The following CDH13 variants were observed in gnomAD, a reference collection of about 807,000 sequenced individuals.
CDH13 encodes the protein cadherin 13.
CDH13 carries 24 observed loss-of-function variants against 63.8 expected under a neutral mutation model. The ratio of observed to expected loss-of-function variants is 0.38; its 90% CI spans 0.27 to 0.53. The LOEUF (loss-of-function observed/expected upper bound fraction) is 0.53, where lower values mean the gene tolerates loss of function less well. Ranked by LOEUF, CDH13 falls within the 20% of genes least tolerant of loss-of-function variation. CDH13 has a pLI of 0.85. For missense variants in CDH13, 1,049 were observed against 903.1 expected (o/e 1.16, Z -2.07); for synonymous variants, 503 against 355.3 (o/e 1.42, Z -4.67).
chr16:83,290,986 A>G (rs894250117), intron 5 of CDH13, among the ~76,000 whole-genome samples: 1 of 151,992 alleles, frequency 6.6e-6, no homozygotes, highest in Non-Finnish European at 1.5e-5. Flanking sequence ...TTGCTAATCC[A>G]TCCTGTCTTT....
At chr16:83,351,308 T>C (rs911476378) in intron 6 of CDH13, among the ~76,000 whole-genome samples, 1 of 148,998 alleles carries the variant, frequency 6.7e-6, no homozygotes, top group Non-Finnish European at 1.5e-5. Flanking sequence ...CTTAGGTAGA[T>C]ATATTTTTTA....
chr16:82,694,366 A>G (rs2029996317), intron 1 of CDH13, among the ~76,000 whole-genome samples: 1 of 152,180 alleles, frequency 6.6e-6, no homozygotes. Context: ...TTTTTTATGG[A>G]CTGCTCACTA....
intron 2 of CDH13, among the ~76,000 whole-genome samples, chr16:83,014,806 ATATATATTTG>A (rs1914574118): frequency 4.4e-5 from 4 of 90,312 alleles, no homozygotes; most frequent in African/African-American, 1.2e-4. Context: ...ATATATATGT[ATATATATTTG>A]TATATATATA....
chr16:82,864,652 G>A (rs536622844), intron 2 of CDH13, among the ~76,000 whole-genome samples: 10 of 152,238 alleles, frequency 6.6e-5, no homozygotes, highest in Non-Finnish European at 1.5e-4. Context: ...AGGATTATGG[G>A]AATCATGGGG....
intron 4 of CDH13, among the ~76,000 whole-genome samples, chr16:83,135,720 C>T (rs1025762594): frequency 7.9e-5 from 12 of 152,196 alleles, no homozygotes; most frequent in African/African-American, 2.7e-4. Context: ...AAGATACTTG[C>T]ACACACACGT....
intron 2 of CDH13, among the ~76,000 whole-genome samples, chr16:82,949,607 T>G (rs1362582939): frequency 6.6e-6 from 1 of 152,184 alleles, no homozygotes; most frequent in African/African-American, 2.4e-5. Flanking sequence ...CTGGGTGAGA[T>G]AAAAACCAAC....
Position 83,245,293 on chromosome 16 carries a change from G to A in CDH13, c.636+27796G>A, listed in dbSNP as rs374279999. Among the ~76,000 whole-genome samples the A allele has an allele frequency of 3.3e-4, 51 of 152,270 alleles. 1 individual carries two copies. The highest frequency in any genetic ancestry group is 2.2e-3 in the Admixed American group (33 of 15,290). ...TAGGGAACAACCACAAGAAGTTCTC[G>A]TGGGGAAATGACATCAGTCCTATTC... On this transcript the variant is annotated intron_variant, in intron 5 of 13. Transcript: ENST00000567109.
intron 6 of CDH13, among the ~76,000 whole-genome samples, chr16:83,442,095 C>T (rs1490525785): frequency 6.6e-6 from 1 of 152,138 alleles, no homozygotes; most frequent in Non-Finnish European, 1.5e-5. Context: ...GAGGAACACA[C>T]AGGCCAACTC....
intron 2 of CDH13, among the ~76,000 whole-genome samples, chr16:82,903,294 C>G (rs1235624595): frequency 6.6e-6 from 1 of 152,234 alleles, no homozygotes; most frequent in East Asian, 1.9e-4. Context: ...CCTATTGAAT[C>G]ATGGGTTTCT....
At chr16:83,335,760 C>G (rs953923714) in intron 5 of CDH13, among the ~76,000 whole-genome samples, 7 of 152,092 alleles carry the variant, frequency 4.6e-5, no homozygotes, top group African/African-American at 1.7e-4. Context: ...GATCTAATTA[C>G]CGGTGCATGC....
intron 6 of CDH13, among the ~76,000 whole-genome samples, chr16:83,400,373 G>T (rs908070693): frequency 6.6e-6 from 1 of 152,148 alleles, no homozygotes. Context: ...CTCAGCTCTT[G>T]CACAGTAGCC....
chr16:82,972,178 A>G (rs545978355), intron 2 of CDH13, among the ~76,000 whole-genome samples: 1 of 152,296 alleles, frequency 6.6e-6, no homozygotes, highest in East Asian at 1.9e-4. Flanking sequence ...GGTTAAAACC[A>G]TGTGGGAAAC....
intron 5 of CDH13, among the ~76,000 whole-genome samples, chr16:83,266,359 G>A (rs940373874): frequency 3.3e-5 from 5 of 152,094 alleles, no homozygotes; most frequent in African/African-American, 9.7e-5. Context: ...ATGGATATAT[G>A]GTCCACTTTA....
chr16:83,378,521 G>T (rs544076974), intron 6 of CDH13, among the ~76,000 whole-genome samples: 4 of 152,140 alleles, frequency 2.6e-5, no homozygotes, highest in Non-Finnish European at 5.9e-5. Context: ...AGTTGGATTG[G>T]CCATACCTTC....
intron 7 of CDH13, among the ~76,000 whole-genome samples, chr16:83,525,322 T>C (rs1302013937): frequency 6.6e-6 from 1 of 152,252 alleles, no homozygotes; most frequent in Non-Finnish European, 1.5e-5. Context: ...CACTGACTTA[T>C]TTAACCTTCT....
At chr16:83,338,848 T>C (rs1257442244) in intron 5 of CDH13, among the ~76,000 whole-genome samples, 1 of 151,836 alleles carries the variant, frequency 6.6e-6, no homozygotes, top group African/African-American at 2.4e-5. Flanking sequence ...ATGAAATGAG[T>C]GTGAGGAAGT....
chr16:82,755,479 GTAACCATATTTTGTCAAATTGGT>G (rs573974738), intron 1 of CDH13, among the ~76,000 whole-genome samples: 1,534 of 152,284 alleles, frequency 0.01, 24 homozygotes, highest in African/African-American at 0.036. Context: ...AGCTTTTCTT[GTAACCATATTTTGTCAAATTGGT>G]TATTTCTGAT....
chr16:82,932,397 A>G (rs2042525932), intron 2 of CDH13, among the ~76,000 whole-genome samples: 1 of 152,162 alleles, frequency 6.6e-6, no homozygotes, highest in Non-Finnish European at 1.5e-5. Flanking sequence ...AGAGGTAAAG[A>G]GATTATTTTT....
intron 8 of CDH13, among the ~76,000 whole-genome samples, chr16:83,634,798 C>T (rs4372680): frequency 1.3e-5 from 2 of 152,184 alleles, no homozygotes; most frequent in African/African-American, 2.4e-5. Context: ...AGTGATATTC[C>T]ATGGTATGGT....
Sources: allele counts gnomAD v4.1 joint callset (sites outside exome capture counted in the v4.1 genomes callset), GRCh38; gene constraint gnomAD v4.1.1; transcripts MANE v1.5; gene names NCBI Gene and HGNC (gene_info 2026-07-23, HGNC 2026-07-21).